KLHL25: variants seen among roughly 807,000 people sequenced by gnomAD.
The protein encoded by KLHL25 is kelch like family member 25.
Under a neutral mutation model 30.0 loss-of-function variants are expected in KLHL25, and 41 were observed. The ratio of observed to expected loss-of-function variants is 1.37; its 90% CI spans 1.07 to 1.78. The LOEUF is 1.78. Ranked by LOEUF, KLHL25 falls within the 40% of genes most tolerant of loss-of-function variation. KLHL25 has a pLI of 0.00. For synonymous variants in KLHL25, 399 were observed against 355.3 expected (o/e 1.12, Z -1.38); for missense variants, 971 against 824.5 (o/e 1.18, Z -2.18).
At chr15:85,761,673 T>G (rs2089583952) in intron 2 of KLHL25, 1 of 152,004 alleles carries the variant, frequency 6.6e-6, no homozygotes, top group Non-Finnish European at 1.5e-5. Flanking sequence ...TAGAGTAAGT[T>G]CCCTCTCACA....
chr15:85,774,277 A>G (rs1350489071), intron 1 of KLHL25, among the ~76,000 whole-genome samples: 2 of 152,180 alleles, frequency 1.3e-5, no homozygotes, highest in South Asian at 2.1e-4. Context: ...TAAGGCACAT[A>G]GCGTAACTGC....
At position 85,769,055 on chromosome 15, in the gene KLHL25, G is replaced by T. The variant is rs774020015; in HGVS notation, c.756C>A (p.Ser252Arg). 1.9e-5 allele frequency: 30 copies of T among 1,606,568 alleles called. No homozygotes were observed. Among genetic ancestry groups the T allele is most frequent in the Non-Finnish European group, 2.6e-5 (30 of 1,175,984 alleles). ...GCTCGTCTGCCATGAGGAGGGCCTC[G>T]CTGGAGACGGCCTCCTGCAGGCAGT... Reference protein sequence around the residue: ...PSDCLQEAVSSEALLMADERT... With the variant: ...PSDCLQEAVSREALLMADERT... The change falls in exon 2 of 3, where the codon AGC (serine) becomes AGA (arginine). Residue 252 changes from serine (S) to arginine (R), a missense_variant. Coordinates refer to ENST00000337975, the MANE Select transcript of KLHL25 (RefSeq NM_022480.4).
intron 1 of KLHL25, among the ~76,000 whole-genome samples, chr15:85,779,100 C>T (rs570007627): frequency 1.6e-3 from 247 of 151,760 alleles, no homozygotes; most frequent in African/African-American, 5.6e-3. Flanking sequence ...AGAAGCCAGC[C>T]GAACCCTCCC....
At chr15:85,765,270 T>C (rs2089612310) in intron 2 of KLHL25, among the ~76,000 whole-genome samples, 1 of 151,922 alleles carries the variant, frequency 6.6e-6, no homozygotes, top group African/African-American at 2.4e-5. Context: ...CCTCTTGGAA[T>C]CTCACTCCTC....
intron 1 of KLHL25, among the ~76,000 whole-genome samples, chr15:85,785,329 G>A (rs1283519226): frequency 2.0e-5 from 3 of 152,042 alleles, no homozygotes; most frequent in Non-Finnish European, 2.9e-5. Context: ...TCCTGACCTC[G>A]TGATCTGCCT....
chr15:85,792,989 TCAAA>T (rs2089827512), intron 1 of KLHL25, among the ~76,000 whole-genome samples: 1 of 152,096 alleles, frequency 6.6e-6, no homozygotes, highest in Admixed American at 6.5e-5. Flanking sequence ...TCAAGTCTGT[TCAAA>T]CAATGAATCA....
chr15:85,785,340 G>A (rs187770298), intron 1 of KLHL25, among the ~76,000 whole-genome samples: 1 of 152,286 alleles, frequency 6.6e-6, no homozygotes, highest in East Asian at 1.9e-4. Context: ...TGATCTGCCT[G>A]CCTCAGCCTC....
intron 2 of KLHL25, among the ~76,000 whole-genome samples, chr15:85,767,402 G>C (rs931229262): frequency 3.9e-5 from 6 of 152,164 alleles, no homozygotes; most frequent in Non-Finnish European, 7.3e-5. Context: ...GCCCGGGCCT[G>C]GTTGGCAATC....
chr15:85,778,110 C>T (rs940201731), intron 1 of KLHL25, among the ~76,000 whole-genome samples: 3 of 152,300 alleles, frequency 2.0e-5, no homozygotes, highest in Non-Finnish European at 2.9e-5. Context: ...ATGGTTCAGG[C>T]GGTAATGAGT....
At chr15:85,782,173 T>C (rs1323211036) in intron 1 of KLHL25, among the ~76,000 whole-genome samples, 1 of 152,210 alleles carries the variant, frequency 6.6e-6, no homozygotes, top group African/African-American at 2.4e-5. Context: ...TGAAATTACA[T>C]ATGTACGTTT....
intron 1 of KLHL25, among the ~76,000 whole-genome samples, chr15:85,783,594 A>G (rs1393099893): frequency 2.0e-5 from 3 of 151,874 alleles, no homozygotes; most frequent in African/African-American, 7.3e-5. Context: ...CAGGAGGCTG[A>G]GACAGGACTA....
intron 2 of KLHL25, among the ~76,000 whole-genome samples, chr15:85,766,008 GA>G (rs759690130): frequency 1.3e-5 from 2 of 152,176 alleles, no homozygotes; most frequent in Non-Finnish European, 2.9e-5. Context: ...GGCTGGATCT[GA>G]GTTAGAGGCT....
At chr15:85,788,293 G>A (rs1459736176) in intron 1 of KLHL25, among the ~76,000 whole-genome samples, 1 of 151,986 alleles carries the variant, frequency 6.6e-6, no homozygotes, top group Non-Finnish European at 1.5e-5. Flanking sequence ...ATCCTCCCAC[G>A]GCTGGCTCAA....
chr15:85,769,335 T>A lies in KLHL25; in HGVS notation c.476A>T (p.His159Leu). 6.2e-7 allele frequency: 1 copy of A among 1,614,082 alleles called. No homozygotes were observed. Among genetic ancestry groups the A allele is most frequent in the African/African-American group, 1.3e-5 (1 of 75,046 alleles). ...CLGMMLLSDA[H>L]QCRRLYEFSW... ...GAACTCATACAGCCGGCGGCACTGG[T>A]GGGCGTCCGAGAGCAGCATCATGCC... The change falls in exon 2 of 3, where the codon CAC becomes CTC. Residue 159 changes from histidine to leucine, a missense_variant. By Grantham distance (99) the His-to-Leu change is moderately conservative. Coordinates refer to ENST00000337975, the MANE Select transcript of KLHL25 (RefSeq NM_022480.4).
intron 1 of KLHL25, among the ~76,000 whole-genome samples, chr15:85,785,971 C>CG (rs1555470908): frequency 2.0e-4 from 29 of 144,594 alleles, no homozygotes; most frequent in Non-Finnish European, 4.1e-4. Flanking sequence ...CCCACCCCCC[C>CG]GCCCCAGGAG....
At chr15:85,770,921 G>A (rs1475465683) in intron 1 of KLHL25, 2 of 286,150 alleles carry the variant, frequency 7.0e-6, no homozygotes, top group Non-Finnish European at 6.8e-6. Context: ...GGCATGACCC[G>A]AGGCCCCAGT....
At chr15:85,786,115 C>T (rs2089779740) in intron 1 of KLHL25, among the ~76,000 whole-genome samples, 1 of 152,200 alleles carries the variant, frequency 6.6e-6, no homozygotes, top group South Asian at 2.1e-4. Context: ...TTCCCTTCTC[C>T]TGCTCACTAG....
intron 1 of KLHL25, among the ~76,000 whole-genome samples, chr15:85,771,398 G>C (rs1414156250): frequency 6.6e-6 from 1 of 152,116 alleles, no homozygotes; most frequent in African/African-American, 2.4e-5. Context: ...CCCACTCCAA[G>C]TCAATTTTCT....
Position 85,789,521 on chromosome 15 carries a change from T to C in KLHL25, c.-11+5245A>G, listed in dbSNP as rs938354382. 5.3e-5 allele frequency among the ~76,000 whole-genome samples: 8 copies of C among 152,026 alleles called. No homozygotes were observed. The highest frequency in any genetic ancestry group is 1.7e-4 in the African/African-American group (7 of 41,374). ...TCAGCCTCCCAAGTAGCTGGAATTA[T>C]AGGCGCCTGCCACCATGTCCAGCTA... On this transcript the variant is annotated intron_variant, in intron 1 of 2. Coordinates refer to ENST00000337975, the MANE Select transcript of KLHL25 (RefSeq NM_022480.4). This position sits in a 1 kb window ranked among gnomAD's most constrained non-coding sequence, Gnocchi z 4.1.
Sources: allele counts gnomAD v4.1 joint callset (sites outside exome capture counted in the v4.1 genomes callset), GRCh38; gene constraint gnomAD v4.1.1; non-coding constraint Gnocchi (gnomAD v3.1); transcripts MANE v1.5; gene names NCBI Gene and HGNC (gene_info 2026-07-23, HGNC 2026-07-21).